ATXN2: variants seen among roughly 807,000 people sequenced by gnomAD.
ATXN2 encodes ataxin-2.
Under a neutral mutation model 138.6 loss-of-function variants are expected in ATXN2, and 37 were observed. The observed-to-expected ratio is 0.27, with a 90% CI of 0.21 to 0.35. The LOEUF (loss-of-function observed/expected upper bound fraction) is 0.35. Ranked by LOEUF, ATXN2 falls within the 10% of genes least tolerant of loss-of-function variation. The pLI is 1.00. For missense variants in ATXN2, 1,216 were observed against 1,480.3 expected, an observed-to-expected ratio of 0.82 and a Z score of 2.93; for synonymous variants, 549 against 543.7, an observed-to-expected ratio of 1.01 and a Z score of -0.13.
Position 111,598,619 on chromosome 12 carries a change from A to G in ATXN2, c.251+165T>C. The G allele has an allele frequency of 1.0e-6, 1 of 955,188 alleles. No homozygotes were observed. Among genetic ancestry groups the G allele is most frequent in the Non-Finnish European group, 1.2e-6 (1 of 802,790 alleles). 59.2% of individuals were successfully genotyped at this position (955,188 alleles called of 1,614,324 possible). On this transcript the variant is annotated intron_variant, in intron 1 of 24. Transcript: ENST00000673436. The surrounding 1 kb of genome is among the most constrained non-coding windows in gnomAD (Gnocchi z 4.5). The stretch of plus-strand genomic sequence containing the variant: ...ATCCCAGAGGACCCCGGCTGCGCCC[A>G]CCGGCCGAGCCTCGGGGCTCAGGCC...
Position 111,510,433 on chromosome 12 carries a change from TAGG to T in ATXN2, c.1705_1707del (p.Pro569del). Reference sequence around the variant, plus strand: ...CTGTTCGATGCAGGACTAGCAGGCGTAGGAGATGCAGCTGGAATAGGCATGGCA... The same window carrying T: ...CTGTTCGATGCAGGACTAGCAGGCGTAGATGCAGCTGGAATAGGCATGGCA... On this transcript the variant is annotated inframe_deletion, in exon 12 of 25. Coordinates refer to ENST00000673436, the MANE Select transcript of ATXN2 (RefSeq NM_001372574.1). 6.2e-7 allele frequency: 1 copy of T among 1,613,998 alleles called. No individual in the cohort carries two copies. Among genetic ancestry groups the T allele is most frequent in the Non-Finnish European group, 8.5e-7 (1 of 1,179,996 alleles).
chr12:111,522,705 G>A (rs574377325), intron 6 of ATXN2, among the ~76,000 whole-genome samples: 1 of 151,578 alleles, frequency 6.6e-6, no homozygotes, highest in Non-Finnish European at 1.5e-5. Context: ...CTGAGATTAG[G>A]AGTTCGGGAC....
intron 23 of ATXN2, chr12:111,454,915 C>G (rs1874951061): frequency 6.2e-6 from 4 of 641,230 alleles, no homozygotes; most frequent in Non-Finnish European, 1.2e-5. Context: ...CCACGCTGGC[C>G]CACACGGACC....
intron 14 of ATXN2, among the ~76,000 whole-genome samples, chr12:111,504,660 C>G (rs7312583): frequency 6.6e-6 from 1 of 151,880 alleles, no homozygotes; most frequent in African/African-American, 2.4e-5. Context: ...TGAATCTGAA[C>G]TTACACAGTA....
chr12:111,475,722 T>G (rs1027568529), intron 18 of ATXN2, among the ~76,000 whole-genome samples: 3 of 151,474 alleles, frequency 2.0e-5, no homozygotes, highest in Admixed American at 2.0e-4. Flanking sequence ...AAGTTAATTA[T>G]AGAGTTCATA....
Position 111,598,842 on chromosome 12 carries a change from T to TGGCCGAGGACGAGGA in ATXN2, c.178_192dup (p.Ser60_Ala64dup). ...GCCGCGACCACCGAGGAGGGAGCCG[T>TGGCCGAGGACGAGGA]GGCCGAGGACGAGGAGACCGAGGAC... On this transcript the variant is annotated inframe_insertion, in exon 1 of 25. Coordinates refer to ENST00000673436, the MANE Select transcript of ATXN2 (RefSeq NM_001372574.1). This position sits in a 1 kb window ranked among gnomAD's most constrained non-coding sequence, Gnocchi z 4.5. The TGGCCGAGGACGAGGA allele has an allele frequency of 3.4e-6, 5 of 1,467,092 alleles. No homozygotes were observed. The highest frequency in any genetic ancestry group is 4.5e-6 in the Non-Finnish European group (5 of 1,114,856). 90.9% of individuals were successfully genotyped at this position (1,467,092 alleles called of 1,614,324 possible). A position where few individuals can be genotyped will look rare whatever the true frequency, so the allele number is the denominator to read the frequency against.
chr12:111,569,205 C>CT (rs1191410550), intron 1 of ATXN2, among the ~76,000 whole-genome samples: 12 of 152,228 alleles, frequency 7.9e-5, no homozygotes, highest in African/African-American at 2.9e-4. Flanking sequence ...GGCCTTAATC[C>CT]TGTGACTTCA....
chr12:111,493,590 G>C (rs544344694), intron 14 of ATXN2, among the ~76,000 whole-genome samples: 2 of 151,932 alleles, frequency 1.3e-5, no homozygotes, highest in Admixed American at 1.3e-4. Context: ...ATTTTGAGCA[G>C]GAAGAATAAA....
intron 5 of ATXN2, among the ~76,000 whole-genome samples, chr12:111,532,160 G>A (rs542567187): frequency 1.4e-4 from 21 of 152,224 alleles, no homozygotes; most frequent in South Asian, 6.2e-4. Context: ...AGGCCAGAGC[G>A]GATACCATAT....
intron 1 of ATXN2, among the ~76,000 whole-genome samples, chr12:111,573,698 C>A (rs1291277691): frequency 6.6e-6 from 1 of 152,094 alleles, no homozygotes; most frequent in Non-Finnish European, 1.5e-5. Flanking sequence ...CACTACCAGC[C>A]TGACAGGCTG....
chr12:111,493,417 T>TAAAAAAAAA (rs1592828931), intron 14 of ATXN2, among the ~76,000 whole-genome samples: 1 of 41,436 alleles, frequency 2.4e-5, no homozygotes, highest in African/African-American at 2.3e-4. Flanking sequence ...TGACTCTGTC[T>TAAAAAAAAA]CAAAAAAAAA....
chr12:111,453,145 A>G lies in ATXN2; in HGVS notation c.3440-305T>C. The G allele has an allele frequency of 3.3e-6, 4 of 1,201,368 alleles. No individual in the cohort carries two copies. The highest frequency in any genetic ancestry group is 4.1e-6 in the Non-Finnish European group (4 of 966,220). The allele number at this position is 1,201,368 out of a possible 1,614,324, so 74.4% of individuals were successfully genotyped here. On this transcript the variant is annotated intron_variant, in intron 24 of 24. Coordinates refer to ENST00000673436, the MANE Select transcript of ATXN2 (RefSeq NM_001372574.1). The surrounding 1 kb of genome is among the most constrained non-coding windows in gnomAD (Gnocchi z 5.4). ...GCCAAGCACCAGTATTGCTTTCAGA[A>G]TAACAGGTCAGACTGTGAAGTATCG...
At chr12:111,470,767 T>A in intron 18 of ATXN2, 25 bp from the exon 19 acceptor site, 1 of 1,610,350 alleles carries the variant, frequency 6.2e-7, no homozygotes, top group Non-Finnish European at 8.5e-7. Flanking sequence ...GCAGACTGCC[T>A]ATTAAACAGT....
At chr12:111,507,033 A>G (rs1187579798) in intron 14 of ATXN2, among the ~76,000 whole-genome samples, 2 of 151,090 alleles carry the variant, frequency 1.3e-5, no homozygotes, top group South Asian at 2.1e-4. Flanking sequence ...CCTCCCAGCC[A>G]CCTGCCTTGG....
At position 111,598,978 on chromosome 12, in the gene ATXN2, T is replaced by TGCTGCTGCTGCTGCTGCTGC. The variant is rs757873033; in HGVS notation, c.56_57insGCAGCAGCAGCAGCAGCAGC (p.Gln26HisfsTer27). 12 of 1,292,998 alleles carry TGCTGCTGCTGCTGCTGCTGC rather than the reference T, an allele frequency of 9.3e-6. No homozygotes were observed. Among genetic ancestry groups the TGCTGCTGCTGCTGCTGCTGC allele is most frequent in the African/African-American group, 8.0e-5 (5 of 62,754 alleles). 80.1% of individuals were successfully genotyped at this position (1,292,998 alleles called of 1,614,324 possible). A position where few individuals can be genotyped will look rare whatever the true frequency, so the allele number is the denominator to read the frequency against. Reference sequence around the variant, plus strand: ...GCTGCTGCTGCTGCTGCTGCTGCTGTTGCTGCTGCTGCTGCTGCTGCTGCT... The same window carrying TGCTGCTGCTGCTGCTGCTGC: ...GCTGCTGCTGCTGCTGCTGCTGCTGTGCTGCTGCTGCTGCTGCTGCTGCTGCTGCTGCTGCTGCTGCTGCT... On this transcript the variant is annotated frameshift_variant, in exon 1 of 25. Transcript: ENST00000673436. LOFTEE classifies it high-confidence loss of function. The surrounding 1 kb of genome is among the most constrained non-coding windows in gnomAD (Gnocchi z 4.5).
chr12:111,573,980 C>T (rs527332721), intron 1 of ATXN2, among the ~76,000 whole-genome samples: 1 of 149,446 alleles, frequency 6.7e-6, no homozygotes, highest in African/African-American at 2.5e-5. Flanking sequence ...AATAAATAGA[C>T]ATTCTTATAT....
chr12:111,550,085 A>C (rs997005265), intron 5 of ATXN2, among the ~76,000 whole-genome samples: 10 of 151,030 alleles, frequency 6.6e-5, no homozygotes, highest in Admixed American at 6.6e-4. Flanking sequence ...AAAAAGAGAG[A>C]GAAAAGAAAA....
At chr12:111,581,604 T>C (rs1009060785) in intron 1 of ATXN2, 1 of 804,346 alleles carries the variant, frequency 1.2e-6, no homozygotes, top group Admixed American at 1.7e-5. Context: ...CTGGGCTTCA[T>C]AGCATTGGCC....
intron 6 of ATXN2, among the ~76,000 whole-genome samples, chr12:111,521,262 A>T (rs193256002): frequency 6.6e-6 from 1 of 152,158 alleles, no homozygotes; most frequent in African/African-American, 2.4e-5. Flanking sequence ...CTTTTCTCTA[A>T]CCTGTAAAAG....
Sources: allele counts gnomAD v4.1 joint callset (sites outside exome capture counted in the v4.1 genomes callset), GRCh38; gene constraint gnomAD v4.1.1; non-coding constraint Gnocchi (gnomAD v3.1); transcripts MANE v1.5; gene names NCBI Gene and HGNC (gene_info 2026-07-23, HGNC 2026-07-21).